DPP10: variants seen among roughly 807,000 people sequenced by gnomAD.
DPP10 encodes inactive dipeptidyl peptidase 10.
In DPP10, 33 loss-of-function variants were observed where a neutral mutation model predicts 120.9. The ratio of observed to expected loss-of-function variants is 0.27; its 90% confidence interval spans 0.21 to 0.37. The LOEUF (loss-of-function observed/expected upper bound fraction) is 0.37. Among genes scored for constraint, DPP10 ranks in the 10% least tolerant of loss-of-function variants. The pLI, the probability that DPP10 is intolerant of heterozygous loss-of-function variation, is 1.00. For missense variants in DPP10, 816 were observed against 942.8 expected, an observed-to-expected ratio of 0.87 and a Z score of 1.76; for synonymous variants, 337 against 326.1, an observed-to-expected ratio of 1.03 and a Z score of -0.36.
chr2:115,704,905 G>A (rs113295132), intron 7 of DPP10, among the ~76,000 whole-genome samples: 8 of 151,894 alleles, frequency 5.3e-5, no homozygotes, highest in Admixed American at 2.0e-4. Context: ...ATTTCTAAAG[G>A]TTTCTTTTTC....
chr2:115,319,584 C>CTTTT (rs1351518114), intron 2 of DPP10, among the ~76,000 whole-genome samples: 23 of 152,276 alleles, frequency 1.5e-4, no homozygotes, highest in African/African-American at 5.3e-4. Context: ...TCTGTTCAGG[C>CTTTT]ATTTTATTTC....
chr2:114,538,818 A>T (rs1417724226), intron 1 of DPP10, among the ~76,000 whole-genome samples: 1 of 152,220 alleles, frequency 6.6e-6, no homozygotes, highest in African/African-American at 2.4e-5. Context: ...AACTTGCAGT[A>T]GGTGCACCCG....
At chr2:115,179,511 CCTGT>C (rs932112498) in intron 1 of DPP10, among the ~76,000 whole-genome samples, 2 of 152,068 alleles carry the variant, frequency 1.3e-5, no homozygotes, top group East Asian at 1.9e-4. Flanking sequence ...GCTTTATTCA[CCTGT>C]CTTAGTCTAA....
chr2:115,193,934 T>C (rs1224258757), intron 1 of DPP10, among the ~76,000 whole-genome samples: 1 of 152,198 alleles, frequency 6.6e-6, no homozygotes, highest in African/African-American at 2.4e-5. Context: ...TAAAAATGTG[T>C]GCTCTCTCTT....
At chr2:115,305,560 C>T (rs781094920) in intron 1 of DPP10, among the ~76,000 whole-genome samples, 38 of 151,828 alleles carry the variant, frequency 2.5e-4, no homozygotes, top group Admixed American at 9.2e-4. Context: ...TAGAAGACCT[C>T]GTCTTTACAA....
rs148622604 is a variant in DPP10, at chr2:114,550,267, T to G, written c.60+107429T>G. ...GGTGTGAGCATAGGACAAAGGGCCC[T>G]CTCCATGATTTAACTGGCTTTTAAG... On this transcript the variant is annotated intron_variant, in intron 1 of 25. Transcript: ENST00000410059. 3.7e-4 allele frequency among the ~76,000 whole-genome samples: 56 copies of G among 152,334 alleles called. 1 individual carries two copies. Among genetic ancestry groups the G allele is most frequent in the Admixed American group, 1.6e-3 (24 of 15,304 alleles).
chr2:115,469,015 C>T, intron 3 of DPP10: 1 of 211,462 alleles, frequency 4.7e-6, no homozygotes, highest in Non-Finnish European at 9.4e-6. Flanking sequence ...GGCTGGAGTG[C>T]AGTGGTGCGA....
intron 1 of DPP10, among the ~76,000 whole-genome samples, chr2:114,674,815 A>G (rs2105662579): frequency 6.6e-6 from 1 of 152,326 alleles, no homozygotes; most frequent in South Asian, 2.1e-4. Context: ...AAATGTGCCC[A>G]CTGGGATTTC....
At chr2:114,703,037 G>A (rs1366821689) in intron 1 of DPP10, among the ~76,000 whole-genome samples, 1 of 152,108 alleles carries the variant, frequency 6.6e-6, no homozygotes, top group Non-Finnish European at 1.5e-5. Context: ...CATTGGCAGA[G>A]AGATGATCTT....
chr2:114,870,455 A>G (rs893912961), intron 1 of DPP10, among the ~76,000 whole-genome samples: 3 of 151,890 alleles, frequency 2.0e-5, no homozygotes, highest in African/African-American at 7.3e-5. Context: ...TAAAAAAAAA[A>G]TCCTCCATTT....
At chr2:115,477,051 C>T (rs2075133305) in intron 3 of DPP10, among the ~76,000 whole-genome samples, 1 of 152,118 alleles carries the variant, frequency 6.6e-6, no homozygotes, top group South Asian at 2.1e-4. Flanking sequence ...AAACCCATAG[C>T]ACACATTACT....
chr2:115,374,593 G>C (rs1376510198), intron 3 of DPP10, among the ~76,000 whole-genome samples: 1 of 152,214 alleles, frequency 6.6e-6, no homozygotes, highest in East Asian at 1.9e-4. Flanking sequence ...CTTCTGCACT[G>C]CCTTAGGAGA....
At chr2:114,980,373 A>G (rs1700004876) in intron 1 of DPP10, among the ~76,000 whole-genome samples, 2 of 152,098 alleles carry the variant, frequency 1.3e-5, no homozygotes, top group African/African-American at 4.8e-5. Context: ...TTTAATAATA[A>G]TATAGTCACA....
At chr2:115,733,544 T>C (rs934945777) in intron 8 of DPP10, among the ~76,000 whole-genome samples, 26 of 147,642 alleles carry the variant, frequency 1.8e-4, no homozygotes, top group African/African-American at 6.0e-4. Context: ...AAGTTATGAA[T>C]AGAGACTATT....
intron 5 of DPP10, among the ~76,000 whole-genome samples, chr2:115,553,602 T>G (rs989339134): frequency 2.6e-5 from 4 of 152,058 alleles, no homozygotes; most frequent in African/African-American, 9.7e-5. Context: ...AGGATCCTAA[T>G]TAGATCAGGA....
chr2:115,321,872 C>T (rs2062080748), intron 2 of DPP10, among the ~76,000 whole-genome samples: 2 of 152,140 alleles, frequency 1.3e-5, no homozygotes, highest in African/African-American at 2.4e-5. Flanking sequence ...AATTTCTGTG[C>T]ATGTATGTGT....
At chr2:115,240,981 G>T (rs1212813938) in intron 1 of DPP10, among the ~76,000 whole-genome samples, 1 of 152,154 alleles carries the variant, frequency 6.6e-6, no homozygotes, top group Non-Finnish European at 1.5e-5. Flanking sequence ...TATAAAAAAA[G>T]TAGTGTTGGT....
chr2:115,529,458 AGTT>A lies in DPP10; in HGVS notation c.441+3487_441+3489del, dbSNP rs760180211. ...GTGAGCCAACATGCCTGGTGGCAAAAGTTTTTTTTTTTTTTTTTAATTCAGTTT... is the reference window on the plus strand; with the variant it reads ...GTGAGCCAACATGCCTGGTGGCAAAATTTTTTTTTTTTTTTAATTCAGTTT... On this transcript the variant is annotated intron_variant, in intron 5 of 25. Transcript: ENST00000410059. 3.9e-3 allele frequency among the ~76,000 whole-genome samples: 127 copies of A among 32,818 alleles called. 1 individual carries two copies. The highest frequency in any genetic ancestry group is 1.3e-3 in the Non-Finnish European group (16 of 12,264). The allele number at this position is 32,818 out of a possible 152,430, so 21.5% of individuals were successfully genotyped here.
chr2:115,378,246 T>C (rs2065973006), intron 3 of DPP10, among the ~76,000 whole-genome samples: 1 of 151,826 alleles, frequency 6.6e-6, no homozygotes. Flanking sequence ...TGGTTTGTAG[T>C]TCTCCTTGAA....
Sources: allele counts gnomAD v4.1 joint callset (sites outside exome capture counted in the v4.1 genomes callset), GRCh38; gene constraint gnomAD v4.1.1; transcripts MANE v1.5; gene names NCBI Gene and HGNC (gene_info 2026-07-23, HGNC 2026-07-21).